Variants in SLCO2B1 observed in about 807,000 individuals in gnomAD.
The protein encoded by SLCO2B1 is OATP-RP2.
A neutral mutation model predicts 67.3 loss-of-function variants in SLCO2B1; 41 were observed. That is an observed-to-expected ratio of 0.61 (90% CI 0.47 to 0.79). SLCO2B1 has a LOEUF of 0.79. Ranked by LOEUF, SLCO2B1 falls within the 30% of genes least tolerant of loss-of-function variation. SLCO2B1 has a pLI of 0.00. For synonymous variants in SLCO2B1, 379 were observed against 381.4 expected, an observed-to-expected ratio of 0.99 and a Z score of 0.07; for missense variants, 837 against 920.1, an observed-to-expected ratio of 0.91 and a Z score of 1.17.
chr11:75,197,680 C>G (rs1160399042), intron 10 of SLCO2B1, among the ~76,000 whole-genome samples: 1 of 152,082 alleles, frequency 6.6e-6, no homozygotes, highest in Non-Finnish European at 1.5e-5. Flanking sequence ...GAGCAGAGTA[C>G]AGGATAGGAC....
chr11:75,182,505 T>G (rs550723956), intron 7 of SLCO2B1, among the ~76,000 whole-genome samples: 11 of 152,180 alleles, frequency 7.2e-5, no homozygotes, highest in Non-Finnish European at 1.2e-4. Context: ...CACTTTGGGA[T>G]GCCAAGGCGG....
chr11:75,185,017 A>T (rs1950132713), intron 7 of SLCO2B1, among the ~76,000 whole-genome samples: 1 of 152,150 alleles, frequency 6.6e-6, no homozygotes, highest in Admixed American at 6.5e-5. Context: ...TGCTGGAATG[A>T]AAGAAGAAAG....
rs141589222 is a variant in SLCO2B1 at position 75,203,329 on chromosome 11, C to A, written c.1851C>A (p.Ile617=). ...RILAWMPSPV[I]HGSAIDTTCV... ...CAGCCTGGATGCCCAGCCCCGTGAT[C>A]CACGGCAGCGCCATCGACACCACCT... Residue 617 remains isoleucine (I), a synonymous_variant, in exon 13 of 14, where the codon ATC becomes ATA. Coordinates refer to ENST00000289575, the MANE Select transcript of SLCO2B1 (RefSeq NM_007256.5). 144 of 1,613,854 alleles carry A rather than the reference C, an allele frequency of 8.9e-5. No individual in the cohort carries two copies. Among genetic ancestry groups the A allele is most frequent in the South Asian group, 4.5e-4 (41 of 91,082 alleles).
intron 8 of SLCO2B1, among the ~76,000 whole-genome samples, chr11:75,190,836 G>A (rs1197510035): frequency 1.3e-5 from 2 of 151,946 alleles, no homozygotes; most frequent in African/African-American, 2.4e-5. Flanking sequence ...CTTGAGGGAG[G>A]CCCTGGCTTG....
chr11:75,192,333 C>T (rs532778333), intron 8 of SLCO2B1, among the ~76,000 whole-genome samples: 2 of 152,298 alleles, frequency 1.3e-5, no homozygotes, highest in South Asian at 2.1e-4. Flanking sequence ...ACAAACAAAA[C>T]CCCCTGATCT....
intron 7 of SLCO2B1, among the ~76,000 whole-genome samples, chr11:75,183,534 G>GT (rs912999180): frequency 8.6e-5 from 13 of 151,826 alleles, no homozygotes; most frequent in South Asian, 4.2e-4. Flanking sequence ...AGTATGAGTT[G>GT]TTTTTTTTGA....
At chr11:75,202,293 A>T (rs750306856) in intron 11 of SLCO2B1, 3 of 152,424 alleles carry the variant, frequency 2.0e-5, no homozygotes, top group African/African-American at 7.2e-5. Flanking sequence ...GACTAAAAGG[A>T]GTTGAGAACA....
At chr11:75,166,681 G>T (rs539610331) in intron 4 of SLCO2B1, among the ~76,000 whole-genome samples, 1 of 151,894 alleles carries the variant, frequency 6.6e-6, no homozygotes, top group African/African-American at 2.4e-5. Context: ...AATGGGACAC[G>T]CAACAAACTC....
At chr11:75,194,815 CT>C (rs908523791) in intron 9 of SLCO2B1, among the ~76,000 whole-genome samples, 3 of 152,210 alleles carry the variant, frequency 2.0e-5, no homozygotes, top group Non-Finnish European at 2.9e-5. Flanking sequence ...CCCCATCTCT[CT>C]TTTCTTCTCC....
chr11:75,193,678 A>G lies in SLCO2B1; in HGVS notation c.1433+103A>G. 1 of 1,045,254 alleles carries G rather than the reference A, an allele frequency of 9.6e-7. No individual in the cohort carries two copies. The highest frequency in any genetic ancestry group is 1.7e-5 in the South Asian group (1 of 58,904). 64.7% of individuals were successfully genotyped at this position (1,045,254 alleles called of 1,614,324 possible). On this transcript the variant is annotated intron_variant, in intron 9 of 13. Transcript: ENST00000289575. This position sits in a 1 kb window ranked among gnomAD's most constrained non-coding sequence, Gnocchi z 4.2. Reference sequence around the variant, plus strand: ...GGATGGCAGGGCAACCCCTGCCTCAAATCTTGCCTCCCCAGTTCTGCTTAA... The same window carrying G: ...GGATGGCAGGGCAACCCCTGCCTCAGATCTTGCCTCCCCAGTTCTGCTTAA...
chr11:75,191,557 C>T (rs915587268), intron 8 of SLCO2B1, among the ~76,000 whole-genome samples: 2 of 152,164 alleles, frequency 1.3e-5, no homozygotes, highest in African/African-American at 4.8e-5. Flanking sequence ...GGAAACAGAT[C>T]CTAGCCTGGC....
intron 13 of SLCO2B1, 131 bp downstream of exon 13, chr11:75,203,558 G>C (rs540088731): frequency 1.7e-6 from 2 of 1,162,818 alleles, no homozygotes; most frequent in South Asian, 2.9e-5. Flanking sequence ...TATATATTCA[G>C]TGCTGAGCTC....
chr11:75,176,195 G>T (rs1004970712), intron 7 of SLCO2B1, among the ~76,000 whole-genome samples: 1 of 152,152 alleles, frequency 6.6e-6, no homozygotes, highest in Non-Finnish European at 1.5e-5. Flanking sequence ...CAGATTCTTC[G>T]TCCCCATCTG....
chr11:75,176,062 T>C (rs912655495), intron 7 of SLCO2B1, among the ~76,000 whole-genome samples: 8 of 152,164 alleles, frequency 5.3e-5, no homozygotes, highest in Non-Finnish European at 1.5e-5. Context: ...CTCACCTCCC[T>C]CTAGGCCTCA....
At position 75,193,543 on chromosome 11, in the gene SLCO2B1, C is replaced by T. The variant is rs759351990; in HGVS notation, c.1401C>T (p.Ser467=). 3 of 1,570,358 alleles carry T rather than the reference C, an allele frequency of 1.9e-6. No homozygotes were observed. Among genetic ancestry groups the T allele is most frequent in the East Asian group, 4.5e-5 (2 of 44,432 alleles). ...CGCTCTTCTTTATCGGCTGCTCCAG[C>T]CACCAGATTGCGGGCATCACACACC... ...SLPLFFIGCS[S]HQIAGITHQT... Residue 467 remains serine (S), a synonymous_variant, in exon 9 of 14, where the codon AGC becomes AGT. Transcript: ENST00000289575. The surrounding 1 kb of genome is among the most constrained non-coding windows in gnomAD (Gnocchi z 4.2).
At chr11:75,155,326 G>A (rs867686843) in intron 1 of SLCO2B1, among the ~76,000 whole-genome samples, 2 of 152,054 alleles carry the variant, frequency 1.3e-5, no homozygotes, top group African/African-American at 2.4e-5. Flanking sequence ...GGGCCAGGCC[G>A]AACAAGGAAC....
chr11:75,153,699 G>A (rs189526331), intron 1 of SLCO2B1, among the ~76,000 whole-genome samples: 42 of 152,328 alleles, frequency 2.8e-4, no homozygotes, highest in African/African-American at 8.7e-4. Context: ...GCCCAGTACC[G>A]TTGGAGGAGC....
intron 7 of SLCO2B1, among the ~76,000 whole-genome samples, chr11:75,177,274 T>C (rs1190208474): frequency 6.6e-6 from 1 of 152,166 alleles, no homozygotes; most frequent in Non-Finnish European, 1.5e-5. Flanking sequence ...AAGATTTCAG[T>C]TGGGAAAAGG....
At chr11:75,202,743 T>C in intron 11 of SLCO2B1, 158 bp from the exon 12 acceptor site, 1 of 677,898 alleles carries the variant, frequency 1.5e-6, no homozygotes, top group East Asian at 2.6e-5. Flanking sequence ...AAGGATGGGG[T>C]ACGTCCCTGA....
Sources: allele counts gnomAD v4.1 joint callset (sites outside exome capture counted in the v4.1 genomes callset), GRCh38; gene constraint gnomAD v4.1.1; non-coding constraint Gnocchi (gnomAD v3.1); transcripts MANE v1.5; gene names NCBI Gene and HGNC (gene_info 2026-07-23, HGNC 2026-07-21).